The following AKR1C2 variants were observed in gnomAD, a reference collection of about 807,000 sequenced individuals.
AKR1C2 encodes the protein aldo-keto reductase family 1 member C2, also known as 3-alpha-HSD3.
AKR1C2 carries 27 observed loss-of-function variants against 39.8 expected under a neutral mutation model. The ratio of observed to expected loss-of-function variants is 0.68; its 90% CI spans 0.50 to 0.93. AKR1C2 has a LOEUF of 0.93. Among genes scored for constraint, AKR1C2 ranks in the 40% least tolerant of loss-of-function variants. The pLI is 0.00. For synonymous variants in AKR1C2, 114 were observed against 137.9 expected (o/e 0.83, Z 1.22); for missense variants, 263 against 365.1 (o/e 0.72, Z 2.28).
intron 1 of AKR1C2, among the ~76,000 whole-genome samples, chr10:5,012,379 A>T (rs1837541570): frequency 6.6e-6 from 1 of 151,822 alleles, no homozygotes; most frequent in Admixed American, 6.6e-5. Flanking sequence ...TGCAGATGTG[A>T]TTATGTTAAG....
upstream of AKR1C2, among the ~76,000 whole-genome samples, chr10:5,008,768 T>C (rs1253846886): frequency 6.6e-6 from 1 of 152,280 alleles, no homozygotes; most frequent in African/African-American, 2.4e-5. Flanking sequence ...TTCTCACTAT[T>C]TTTTCTGAAC....
At chr10:5,010,760 A>G (rs1837506518) in intron 1 of AKR1C2, 1 of 152,220 alleles carries the variant, frequency 6.6e-6, no homozygotes, top group South Asian at 2.1e-4. Context: ...TAAAACCGTA[A>G]TGAAAAATTG....
chr10:4,990,335 C>T (rs1836792042), intron 8 of AKR1C2, among the ~76,000 whole-genome samples: 1 of 152,186 alleles, frequency 6.6e-6, no homozygotes, highest in Non-Finnish European at 1.5e-5. Flanking sequence ...CATCTGTCAA[C>T]AAAGAGATAT....
At chr10:5,005,490 G>C (rs1443365570), upstream of AKR1C2, among the ~76,000 whole-genome samples, 1 of 150,288 alleles carries the variant, frequency 6.7e-6, no homozygotes. Flanking sequence ...AAACCATCCT[G>C]GCCAACATGG....
At chr10:4,993,386 G>A (rs1836907433) in intron 7 of AKR1C2, among the ~76,000 whole-genome samples, 1 of 152,090 alleles carries the variant, frequency 6.6e-6, no homozygotes, top group Non-Finnish European at 1.5e-5. Flanking sequence ...AGTTATGTGA[G>A]CAAATATAAA....
intron 1 of AKR1C2, among the ~76,000 whole-genome samples, chr10:5,014,653 C>G (rs1303189753): frequency 1.3e-5 from 2 of 152,160 alleles, no homozygotes; most frequent in Non-Finnish European, 2.9e-5. Context: ...CTCAGCACTG[C>G]TATTGGTTGG....
In AKR1C2 at chr10:4,998,620, C is replaced by T. The variant is rs548272111; in HGVS notation, c.570+5G>A. On this transcript the variant is annotated splice_donor_5th_base_variant and intron_variant, in intron 5 of 8. Transcript: ENST00000380753. ...CAGAAAGGAGAGGAGGCTGAGGGCGCTCACCTGGTTGCAGACAGGCTTGTA... is the reference window on the plus strand; with the variant it reads ...CAGAAAGGAGAGGAGGCTGAGGGCGTTCACCTGGTTGCAGACAGGCTTGTA... 1 of 1,614,042 alleles carries T rather than the reference C, an allele frequency of 6.2e-7. No individual in the cohort carries two copies. The highest frequency in any genetic ancestry group is 8.5e-7 in the Non-Finnish European group (1 of 1,179,984).
chr10:4,996,609 C>A (rs1417218218), intron 5 of AKR1C2, among the ~76,000 whole-genome samples: 2 of 148,684 alleles, frequency 1.3e-5, no homozygotes, highest in African/African-American at 4.9e-5. Flanking sequence ...AATTAAAAAT[C>A]ATAACACAAG....
chr10:5,005,265 G>A (rs140783982), upstream of AKR1C2, among the ~76,000 whole-genome samples: 9 of 152,332 alleles, frequency 5.9e-5, no homozygotes, highest in East Asian at 7.7e-4. Flanking sequence ...TGAGTTTTAC[G>A]TAGGGCTGAT....
At chr10:4,992,395 G>A (rs1554772345) in intron 7 of AKR1C2, among the ~76,000 whole-genome samples, 1 of 152,176 alleles carries the variant, frequency 6.6e-6, no homozygotes, top group South Asian at 2.1e-4. Context: ...TTCAAAAGGT[G>A]TGGGTACTCA....
chr10:5,010,271 G>A (rs1319930554), intron 1 of AKR1C2: 3 of 151,920 alleles, frequency 2.0e-5, no homozygotes, highest in Non-Finnish European at 4.4e-5. Flanking sequence ...CCCTCAAGCA[G>A]TTTGAACCGG....
intron 7 of AKR1C2, among the ~76,000 whole-genome samples, chr10:4,994,058 A>C (rs1177134392): frequency 6.6e-6 from 1 of 151,532 alleles, no homozygotes; most frequent in Non-Finnish European, 1.5e-5. Context: ...GGATTTCTTC[A>C]CTTATTTTAC....
At chr10:5,001,737 G>T in intron 1 of AKR1C2, 56 bp from the exon 2 acceptor site, 2 of 1,605,780 alleles carry the variant, frequency 1.2e-6, no homozygotes, top group South Asian at 1.1e-5. Flanking sequence ...GAGTTAGTTC[G>T]GGCACAAGCA....
chr10:5,012,084 A>G (rs1183263840), intron 1 of AKR1C2, among the ~76,000 whole-genome samples: 2 of 152,212 alleles, frequency 1.3e-5, no homozygotes, highest in East Asian at 1.9e-4. Context: ...TAAAGGGACT[A>G]TATCTAGAAG....
At chr10:5,013,129 A>G (rs1291638098) in intron 1 of AKR1C2, among the ~76,000 whole-genome samples, 2 of 152,212 alleles carry the variant, frequency 1.3e-5, no homozygotes, top group Non-Finnish European at 2.9e-5. Context: ...AATTTGTAGA[A>G]CAAACCACCA....
chr10:5,014,783 C>G (rs560300625), intron 1 of AKR1C2: 3 of 152,324 alleles, frequency 2.0e-5, no homozygotes, highest in African/African-American at 7.2e-5. Flanking sequence ...TCCAATAGCT[C>G]CAACATGGCT....
chr10:5,015,621 C>T (rs1307968675), intron 1 of AKR1C2, among the ~76,000 whole-genome samples: 1 of 152,086 alleles, frequency 6.6e-6, no homozygotes, highest in Non-Finnish European at 1.5e-5. Context: ...AGCCCTGGGT[C>T]CCCAGACAAT....
At chr10:4,990,754 A>G (rs1265353316) in intron 8 of AKR1C2, among the ~76,000 whole-genome samples, 4 of 151,868 alleles carry the variant, frequency 2.6e-5, no homozygotes, top group Admixed American at 1.3e-4. Flanking sequence ...CAAGTGGTTT[A>G]CTCCAGACCA....
At chr10:4,996,337 T>C (rs1167689089) in intron 5 of AKR1C2, among the ~76,000 whole-genome samples, 1 of 151,808 alleles carries the variant, frequency 6.6e-6, no homozygotes, top group Non-Finnish European at 1.5e-5. Context: ...GATATATATC[T>C]ATATAGATGA....
Sources: allele counts gnomAD v4.1 joint callset (sites outside exome capture counted in the v4.1 genomes callset), GRCh38; gene constraint gnomAD v4.1.1; transcripts MANE v1.5; gene names NCBI Gene and HGNC (gene_info 2026-07-23, HGNC 2026-07-21).